Variants in ZKSCAN5 observed in about 807,000 individuals in gnomAD.
ZKSCAN5 encodes zinc finger protein with KRAB and SCAN domains 5.
ZKSCAN5 carries 28 observed loss-of-function variants against 60.0 expected under a neutral mutation model. The ratio of observed to expected loss-of-function variants is 0.47; its 90% CI spans 0.35 to 0.64. The LOEUF (loss-of-function observed/expected upper bound fraction) is 0.64, where lower values mean the gene tolerates loss of function less well. Ranked by LOEUF, ZKSCAN5 falls within the 30% of genes least tolerant of loss-of-function variation. ZKSCAN5 has a pLI of 0.01. For missense variants in ZKSCAN5, 881 were observed against 1,034.6 expected (o/e 0.85, Z 2.04); for synonymous variants, 361 against 371.2 (o/e 0.97, Z 0.31).
At position 99,526,047 on chromosome 7, in the gene ZKSCAN5, C is replaced by T. The variant is rs770267573; in HGVS notation, c.1007C>T (p.Pro336Leu). 3 of 1,614,066 alleles carry T rather than the reference C, an allele frequency of 1.9e-6. No homozygotes were observed. The highest frequency in any genetic ancestry group is 2.5e-6 in the Non-Finnish European group (3 of 1,180,052). The change falls in exon 6 of 7, where the codon CCT (proline) becomes CTT (leucine). Residue 336 changes from proline (P) to leucine (L), a missense_variant. Physicochemically the swap from Pro to Leu is moderately conservative, Grantham distance 98. Coordinates refer to ENST00000326775, the MANE Select transcript of ZKSCAN5 (RefSeq NM_145102.4). Reference protein sequence around the residue: ...RDLDAITDISPKQSTHGERGH... With the variant: ...RDLDAITDISLKQSTHGERGH... ...CTGGATGCAATCACAGACATCAGCC[C>T]TAAGCAAAGCACACATGGCGAGAGA...
chr7:99,519,940 G>T (rs1203705048), intron 4 of ZKSCAN5, 31 bp downstream of exon 4: 2 of 1,609,480 alleles, frequency 1.2e-6, no homozygotes, highest in Non-Finnish European at 1.7e-6. Context: ...CCTCAGAGAG[G>T]ACCCATCCTG....
At chr7:99,522,146 C>T (rs942288191) in intron 5 of ZKSCAN5, among the ~76,000 whole-genome samples, 2 of 152,140 alleles carry the variant, frequency 1.3e-5, no homozygotes, top group Non-Finnish European at 2.9e-5. Context: ...TTTCTGCCTC[C>T]TTTACTTCTC....
At chr7:99,523,764 A>G (rs1466322777) in intron 5 of ZKSCAN5, among the ~76,000 whole-genome samples, 2 of 152,130 alleles carry the variant, frequency 1.3e-5, no homozygotes, top group Non-Finnish European at 2.9e-5. Flanking sequence ...TTTTGTTTAT[A>G]TCCCTGTTTT....
At chr7:99,505,856 A>G (rs1362977031) in intron 1 of ZKSCAN5, 149 bp from the exon 2 acceptor site, 1 of 589,910 alleles carries the variant, frequency 1.7e-6, no homozygotes, top group Non-Finnish European at 2.9e-6. Flanking sequence ...ATTTTTAAGT[A>G]AATTACTTTG....
rs747645794 is a variant in ZKSCAN5 at position 99,531,242 on chromosome 7, G to C, written c.1513G>C (p.Glu505Gln). 2 of 1,614,172 alleles carry C rather than the reference G, an allele frequency of 1.2e-6. No homozygotes were observed. Among genetic ancestry groups the C allele is most frequent in the Non-Finnish European group, 1.7e-6 (2 of 1,180,034 alleles). Residue 505 changes from glutamate (E) to glutamine (Q), a missense_variant, in exon 7 of 7, where the codon GAG (glutamate) becomes CAG (glutamine). Coordinates refer to ENST00000326775, the MANE Select transcript of ZKSCAN5 (RefSeq NM_145102.4). Reference protein sequence around the residue: ...SQVQDFGEGCEFQGKLDRKQG... With the variant: ...SQVQDFGEGCQFQGKLDRKQG... Reference sequence around the variant, plus strand: ...AGTTCAAGATTTTGGAGAAGGCTGTGAGTTTCAAGGCAAGCTGGATAGAAA... The same window carrying C: ...AGTTCAAGATTTTGGAGAAGGCTGTCAGTTTCAAGGCAAGCTGGATAGAAA...
At chr7:99,516,713 G>A (rs140076570) in intron 3 of ZKSCAN5, among the ~76,000 whole-genome samples, 25 of 152,182 alleles carry the variant, frequency 1.6e-4, no homozygotes, top group African/African-American at 5.8e-4. Flanking sequence ...CGGGTGTTGC[G>A]CATGCTGTTC....
Position 99,532,348 on chromosome 7 carries a change from A to G in ZKSCAN5, c.*99A>G. The G allele has an allele frequency of 1.7e-6, 2 of 1,178,614 alleles. No individual in the cohort carries two copies. The highest frequency in any genetic ancestry group is 2.3e-6 in the Non-Finnish European group (2 of 856,014). The allele number at this position is 1,178,614 out of a possible 1,614,324, so 73.0% of individuals were successfully genotyped here. ...AGCATTTTTCCAGCGTTACCATCAA[A>G]CTCACAAATAGGTTGAAATCCTTTA... is the stretch of plus-strand genomic sequence containing the variant. On this transcript the variant is annotated 3_prime_UTR_variant, in exon 7 of 7. Transcript: ENST00000326775.
At chr7:99,530,509 AT>A (rs905300510) in intron 6 of ZKSCAN5, among the ~76,000 whole-genome samples, 38 of 148,142 alleles carry the variant, frequency 2.6e-4, no homozygotes, top group African/African-American at 7.4e-4. Flanking sequence ...TTTTGATGGG[AT>A]TTTTTTTTTC....
At chr7:99,522,446 G>C (rs1801577497) in intron 5 of ZKSCAN5, among the ~76,000 whole-genome samples, 1 of 152,040 alleles carries the variant, frequency 6.6e-6, no homozygotes, top group East Asian at 1.9e-4. Flanking sequence ...AAAGAGTAAT[G>C]GGTTGGATGG....
At chr7:99,521,219 A>G (rs1375137972) in intron 5 of ZKSCAN5, among the ~76,000 whole-genome samples, 1 of 152,130 alleles carries the variant, frequency 6.6e-6, no homozygotes, top group Admixed American at 6.6e-5. Flanking sequence ...TTTTTTTGAG[A>G]TGGAGTCTCA....
intron 2 of ZKSCAN5, among the ~76,000 whole-genome samples, chr7:99,507,938 TGA>T (rs1491400406): frequency 2.6e-5 from 4 of 151,842 alleles, no homozygotes. Flanking sequence ...AAATTTAAAT[TGA>T]AAAAATATAT....
At chr7:99,509,889 G>A (rs932739193) in intron 2 of ZKSCAN5, among the ~76,000 whole-genome samples, 4 of 152,114 alleles carry the variant, frequency 2.6e-5, no homozygotes, top group Non-Finnish European at 5.9e-5. Context: ...CATAGGAGTT[G>A]TAAGCGTTAT....
At position 99,512,518 on chromosome 7, in the gene ZKSCAN5, C is replaced by T. The variant is rs769998070; in HGVS notation, c.480C>T (p.Cys160=). The change falls in exon 3 of 7, where the codon TGC becomes TGT. Residue 160 remains cysteine, a synonymous_variant. Transcript: ENST00000326775. ...MATPGAVQES[C]SPHPLTVDTQ... is the part of the protein sequence containing the mutation. The stretch of plus-strand genomic sequence containing the variant: ...CACCTGGAGCAGTGCAGGAGTCCTG[C>T]AGCCCCCATCCCCTGACCGTGGACA... 178 of 1,614,002 alleles carry T rather than the reference C, an allele frequency of 1.1e-4. No individual in the cohort carries two copies. The highest frequency in any genetic ancestry group is 1.6e-4 in the Middle Eastern group (1 of 6,082).
At chr7:99,518,926 G>A (rs1390600653) in intron 3 of ZKSCAN5, among the ~76,000 whole-genome samples, 2 of 150,310 alleles carry the variant, frequency 1.3e-5, no homozygotes, top group East Asian at 2.0e-4. Flanking sequence ...TGCCTGCCTC[G>A]GCCTCCCAAA....
At chr7:99,511,585 G>A (rs1423633160) in intron 2 of ZKSCAN5, among the ~76,000 whole-genome samples, 1 of 151,976 alleles carries the variant, frequency 6.6e-6, no homozygotes, top group Non-Finnish European at 1.5e-5. Context: ...TGGGACCACA[G>A]GGACATGCCA....
intron 6 of ZKSCAN5, 132 bp from the exon 7 acceptor site, chr7:99,530,976 G>C (rs574768154): frequency 1.3e-6 from 1 of 778,258 alleles, no homozygotes; most frequent in Admixed American, 3.0e-5. Context: ...AGAATCACTT[G>C]AACCCAGGAG....
In ZKSCAN5 at chr7:99,512,590, T is replaced by C. The variant is rs61735345; in HGVS notation, c.552T>C (p.Asn184=). The part of the protein sequence containing the change: ...APQKPRLLEE[N]ALPVLQVPSL... ...AGAAGCCTCGTCTCCTGGAGGAAAATGGTGAGGCTCAGTGATTCAGTGGAA... is the reference window on the plus strand; with the variant it reads ...AGAAGCCTCGTCTCCTGGAGGAAAACGGTGAGGCTCAGTGATTCAGTGGAA... Residue 184 remains asparagine (N), a splice_region_variant and synonymous_variant, in exon 3 of 7, where the codon AAT becomes AAC. Transcript: ENST00000326775. 2.4e-3 allele frequency: 3,895 copies of C among 1,613,522 alleles called. 38 individuals are homozygous for C. In the African/African-American group the frequency reaches 0.038, roughly 16 times the overall value.
chr7:99,505,974 A>T (rs1800703049), intron 1 of ZKSCAN5, 31 bp from the exon 2 acceptor site: 1 of 1,543,530 alleles, frequency 6.5e-7, no homozygotes, highest in East Asian at 2.3e-5. Context: ...CCTTCAGAAG[A>T]TATTAAAGAG....
At position 99,506,085 on chromosome 7, in the gene ZKSCAN5, C is replaced by T. The variant is rs771135310; in HGVS notation, c.41C>T (p.Pro14Leu). 17 of 1,614,018 alleles carry T rather than the reference C, an allele frequency of 1.1e-5. No homozygotes were observed. The highest frequency in any genetic ancestry group is 3.3e-5 in the Admixed American group (2 of 59,982). The stretch of plus-strand genomic sequence containing the variant: ...TCCCGAGAAGTTATAGACTTAGACC[C>T]CCCAGCTGAGACTTCCCAGGAGCAG... ...TESREVIDLD[P>L]PAETSQEQED... The change falls in exon 2 of 7, where the codon CCC becomes CTC. Residue 14 changes from proline (P) to leucine (L), a missense_variant. By Grantham distance (98) the Pro-to-Leu change is moderately conservative. Around this residue, in one of 5 missense-constraint regions of ZKSCAN5, gnomAD observed 88 missense variants for 65.2 expected, o/e 1.35. Coordinates refer to ENST00000326775, the MANE Select transcript of ZKSCAN5 (RefSeq NM_145102.4).
Sources: gnomAD v4.1 joint callset for allele counts (sites outside exome capture counted in the v4.1 genomes callset) on GRCh38, gnomAD v4.1.1 for gene constraint, gnomAD v4.1.1 regional missense constraint, MANE v1.5 for transcripts, NCBI Gene and HGNC (gene_info 2026-07-23, HGNC 2026-07-21) for gene names.